Variants in VDAC1 observed in about 807,000 individuals in gnomAD.
The protein encoded by VDAC1 is non-selective voltage-gated ion channel VDAC1.
Under a neutral mutation model 34.7 loss-of-function variants are expected in VDAC1, and 10 were observed. The observed-to-expected ratio is 0.29, with a 90% CI of 0.18 to 0.49. VDAC1 has a LOEUF of 0.49. Ranked by LOEUF, VDAC1 falls within the 20% of genes least tolerant of loss-of-function variation. The pLI is 0.99. For missense variants in VDAC1, 230 were observed against 347.9 expected (o/e 0.66, Z 2.69); for synonymous variants, 130 against 136.0 (o/e 0.96, Z 0.30).
the VDAC1 span, among the ~76,000 whole-genome samples, chr5:134,012,803 T>C: frequency 6.6e-6 from 1 of 151,452 alleles, no homozygotes; most frequent in East Asian, 1.9e-4. Flanking sequence ...TAAGCAAAAA[T>C]AACAGAATTG....
At chr5:134,008,710 G>A (rs76168685), upstream of VDAC1, among the ~76,000 whole-genome samples, 290 of 152,320 alleles carry the variant, frequency 1.9e-3, 2 homozygotes, top group African/African-American at 6.5e-3. Flanking sequence ...TCTGTGCTAA[G>A]TACCAGAGCT....
chr5:134,047,515 A>G, the VDAC1 span, among the ~76,000 whole-genome samples: 1 of 152,200 alleles, frequency 6.6e-6, no homozygotes, highest in South Asian at 2.1e-4. Context: ...TCCAGACCCC[A>G]GGGACTCCAT....
the VDAC1 span, among the ~76,000 whole-genome samples, chr5:134,037,084 G>A: frequency 6.6e-6 from 1 of 152,182 alleles, no homozygotes; most frequent in Non-Finnish European, 1.5e-5. Flanking sequence ...GTAACCAAGT[G>A]CAGGAGAACA....
chr5:134,081,282 C>T, the VDAC1 span, among the ~76,000 whole-genome samples: 1 of 152,084 alleles, frequency 6.6e-6, no homozygotes, highest in Non-Finnish European at 1.5e-5. Flanking sequence ...GGTGATCTGC[C>T]CGCCTCGGCC....
the VDAC1 span, chr5:134,082,015 G>T: frequency 6.1e-6 from 1 of 162,982 alleles, no homozygotes; most frequent in Non-Finnish European, 1.3e-5. Context: ...GTTGGCCAAA[G>T]TGAATCCAAG....
chr5:134,053,109 C>A, the VDAC1 span, among the ~76,000 whole-genome samples: 1 of 148,324 alleles, frequency 6.7e-6, no homozygotes, highest in African/African-American at 2.5e-5. Flanking sequence ...GAGTGAAACT[C>A]CGTCTCAAAA....
Position 133,972,854 on chromosome 5 carries a change from G to C in VDAC1, c.769C>G (p.Leu257Val), listed in dbSNP as rs1230225786. Reference sequence around the variant, plus strand: ...CCATCCAGAAGAGCTGACAGTGTCAGTTTAATACCTGCAGGGAGAAAAATG... The same window carrying C: ...CCATCCAGAAGAGCTGACAGTGTCACTTTAATACCTGCAGGGAGAAAAATG... ...YTQTLKPGIK[L>V]TLSALLDGKN... Residue 257 changes from leucine to valine, a missense_variant, in exon 9 of 9, where the codon CTG (leucine) becomes GTG (valine). Coordinates refer to ENST00000265333, the MANE Select transcript of VDAC1 (RefSeq NM_003374.3). 6.2e-7 allele frequency: 1 copy of C among 1,613,322 alleles called. No homozygotes were observed. Among genetic ancestry groups the C allele is most frequent in the Admixed American group, 1.7e-5 (1 of 59,928 alleles).
At chr5:134,027,876 T>G in the VDAC1 span, among the ~76,000 whole-genome samples, 1 of 149,674 alleles carries the variant, frequency 6.7e-6, no homozygotes, top group East Asian at 2.0e-4. Flanking sequence ...GTTCAAGCGA[T>G]TCTCCTGCCT....
At chr5:134,018,230 C>G in the VDAC1 span, among the ~76,000 whole-genome samples, 1 of 152,198 alleles carries the variant, frequency 6.6e-6, no homozygotes, top group Non-Finnish European at 1.5e-5. Flanking sequence ...GCAGGTACAT[C>G]ATGTGGCAAG....
the VDAC1 span, among the ~76,000 whole-genome samples, chr5:134,072,244 G>C: frequency 6.6e-6 from 1 of 152,166 alleles, no homozygotes; most frequent in Non-Finnish European, 1.5e-5. Flanking sequence ...AGTCAAGAGA[G>C]ACAGGACTTT....
At chr5:134,050,205 C>T in the VDAC1 span, among the ~76,000 whole-genome samples, 6 of 152,034 alleles carry the variant, frequency 3.9e-5, no homozygotes, top group East Asian at 1.9e-4. Flanking sequence ...GCCGAGATCA[C>T]GCCATTGCAC....
chr5:134,015,140 A>G, the VDAC1 span, among the ~76,000 whole-genome samples: 38,816 of 152,040 alleles, frequency 0.26, 6,032 homozygotes, highest in Non-Finnish European at 0.33. Flanking sequence ...GTTCTCACTT[A>G]TAAGTGGGAG....
At chr5:134,004,687 G>T in intron 1 of VDAC1, 1 of 151,968 alleles carries the variant, frequency 6.6e-6, no homozygotes, top group South Asian at 2.0e-4. Context: ...GGCTACGGCG[G>T]GGGCTGCGAC....
chr5:134,092,775 C>T, the VDAC1 span, among the ~76,000 whole-genome samples: 1 of 152,152 alleles, frequency 6.6e-6, no homozygotes, highest in African/African-American at 2.4e-5. Context: ...CAGCGATGCC[C>T]CACACAGAAG....
chr5:134,097,022 A>T, the VDAC1 span, among the ~76,000 whole-genome samples: 1 of 152,344 alleles, frequency 6.6e-6, no homozygotes, highest in African/African-American at 2.4e-5. Flanking sequence ...GTCCCAGCGC[A>T]CATCCCTACC....
At chr5:134,006,701 C>G (rs1413757541), upstream of VDAC1, among the ~76,000 whole-genome samples, 3 of 149,374 alleles carry the variant, frequency 2.0e-5, no homozygotes, top group African/African-American at 7.4e-5. Flanking sequence ...TGAGATTGAG[C>G]CGCTGTACTC....
intron 5 of VDAC1, among the ~76,000 whole-genome samples, chr5:133,984,248 A>T (rs1274973332): frequency 6.6e-6 from 1 of 151,988 alleles, no homozygotes; most frequent in Admixed American, 6.6e-5. Flanking sequence ...ATGTGGGTAG[A>T]CGGGGTTTAA....
At chr5:133,994,240 C>T (rs10078324) in intron 1 of VDAC1, among the ~76,000 whole-genome samples, 56,546 of 151,992 alleles carry the variant, frequency 0.37, 10,947 homozygotes, top group Non-Finnish European at 0.41. Flanking sequence ...CACAGACTCA[C>T]TGAGTATGTT....
chr5:133,986,978 G>A (rs1561588863), intron 5 of VDAC1, among the ~76,000 whole-genome samples: 1 of 152,140 alleles, frequency 6.6e-6, no homozygotes, highest in Non-Finnish European at 1.5e-5. Flanking sequence ...ATAAATAATT[G>A]ATTAAATAAA....
Sources: gnomAD v4.1 joint callset for allele counts (sites outside exome capture counted in the v4.1 genomes callset) on GRCh38, gnomAD v4.1.1 for gene constraint, MANE v1.5 for transcripts, NCBI Gene and HGNC (gene_info 2026-07-23, HGNC 2026-07-21) for gene names.